TAOK1: variants seen among roughly 807,000 people sequenced by gnomAD.
TAOK1 encodes serine/threonine-protein kinase TAO1.
A neutral mutation model predicts 138.3 loss-of-function variants in TAOK1; 21 were observed. That is an observed-to-expected ratio of 0.15 (90% CI 0.11 to 0.22). The LOEUF is 0.22. TAOK1 is among the 10% of genes least tolerant of loss of function. The pLI is 1.00. For missense variants in TAOK1, 651 were observed against 1,227.7 expected (o/e 0.53, Z 7.02); for synonymous variants, 361 against 398.4 (o/e 0.91, Z 1.12).
At chr17:29,467,750 CAG>C (rs1200007319) in intron 3 of TAOK1, among the ~76,000 whole-genome samples, 1 of 152,032 alleles carries the variant, frequency 6.6e-6, no homozygotes, top group African/African-American at 2.4e-5. Flanking sequence ...GAGCCATAAA[CAG>C]AGCATTATTG....
intron 2 of TAOK1, among the ~76,000 whole-genome samples, chr17:29,456,597 G>A (rs1007263683): frequency 1.3e-5 from 2 of 150,336 alleles, no homozygotes; most frequent in Non-Finnish European, 2.9e-5. Flanking sequence ...TTTCAGACTG[G>A]GGATACCCAG....
chr17:29,525,760 C>A (rs1193863561), intron 17 of TAOK1, among the ~76,000 whole-genome samples: 1 of 152,176 alleles, frequency 6.6e-6, no homozygotes, highest in Non-Finnish European at 1.5e-5. Context: ...AATCCCAGCA[C>A]TTTGGAAGGC....
chr17:29,499,484 A>C (rs2031474362), intron 12 of TAOK1, among the ~76,000 whole-genome samples: 1 of 151,584 alleles, frequency 6.6e-6, no homozygotes, highest in Non-Finnish European at 1.5e-5. Context: ...CACCTGCCTC[A>C]GCCTCCCAAA....
chr17:29,410,358 C>T (rs1433778250), intron 1 of TAOK1, among the ~76,000 whole-genome samples: 2 of 152,184 alleles, frequency 1.3e-5, no homozygotes, highest in Non-Finnish European at 2.9e-5. Flanking sequence ...TCAAGCGATT[C>T]TCCTTCCTCA....
chr17:29,494,070 C>T (rs1482829444), intron 10 of TAOK1, among the ~76,000 whole-genome samples: 3 of 152,028 alleles, frequency 2.0e-5, no homozygotes, highest in African/African-American at 7.2e-5. Context: ...GCCTATGCCT[C>T]CACGTCCTGC....
chr17:29,399,562 G>A (rs969380350), intron 1 of TAOK1, among the ~76,000 whole-genome samples: 3 of 151,852 alleles, frequency 2.0e-5, no homozygotes, highest in Admixed American at 6.6e-5. Flanking sequence ...TGATCTGCCC[G>A]CCTTGGCCTC....
intron 19 of TAOK1, among the ~76,000 whole-genome samples, chr17:29,542,349 G>T (rs1412760381): frequency 6.6e-6 from 1 of 151,862 alleles, no homozygotes; most frequent in Admixed American, 6.6e-5. Flanking sequence ...ATATGTGCAT[G>T]TAAAAAAAAT....
chr17:29,462,110 C>G (rs1166714892), intron 2 of TAOK1, among the ~76,000 whole-genome samples: 2 of 152,118 alleles, frequency 1.3e-5, no homozygotes, highest in Non-Finnish European at 2.9e-5. Context: ...AAAGGAAGGA[C>G]CCTCTGGTCA....
intron 2 of TAOK1, among the ~76,000 whole-genome samples, chr17:29,453,405 A>C (rs1360721357): frequency 1.3e-5 from 2 of 151,966 alleles, no homozygotes; most frequent in Non-Finnish European, 1.5e-5. Flanking sequence ...ACGTGCTACT[A>C]ACCCCTGGCT....
At chr17:29,449,972 T>C (rs1480473154) in intron 1 of TAOK1, among the ~76,000 whole-genome samples, 1 of 152,226 alleles carries the variant, frequency 6.6e-6, no homozygotes, top group Admixed American at 6.5e-5. Context: ...CTCTATGCTT[T>C]CATTTATTAA....
chr17:29,444,804 A>C (rs981899194), intron 1 of TAOK1, among the ~76,000 whole-genome samples: 5 of 152,232 alleles, frequency 3.3e-5, no homozygotes, highest in Non-Finnish European at 7.3e-5. Context: ...CCATGAATAC[A>C]GTACATGTCT....
chr17:29,534,010 A>T, intron 18 of TAOK1, 108 bp from the exon 19 acceptor site: 1 of 1,238,488 alleles, frequency 8.1e-7, no homozygotes, highest in Non-Finnish European at 1.1e-6. Flanking sequence ...GTCTAAACTA[A>T]AAAAGAGTAG....
intron 1 of TAOK1, among the ~76,000 whole-genome samples, chr17:29,429,018 A>T (rs1191897421): frequency 6.6e-6 from 1 of 152,114 alleles, no homozygotes; most frequent in Non-Finnish European, 1.5e-5. Context: ...AAACAGAAAA[A>T]TAGAGAATTT....
At chr17:29,523,539 C>A (rs2150768201) in intron 17 of TAOK1, among the ~76,000 whole-genome samples, 1 of 152,270 alleles carries the variant, frequency 6.6e-6, no homozygotes, top group Admixed American at 6.5e-5. Flanking sequence ...AGGTGCCTGC[C>A]ACCACGCCCG....
intron 1 of TAOK1, among the ~76,000 whole-genome samples, chr17:29,403,003 AAAAC>A (rs1567708379): frequency 6.6e-6 from 1 of 151,762 alleles, no homozygotes; most frequent in African/African-American, 2.4e-5. Flanking sequence ...CAAAAAAAAA[AAAAC>A]AAAATTAGCC....
In TAOK1 at chr17:29,542,745, G is replaced by C. The variant is rs1343184112; in HGVS notation, c.2729G>C (p.Trp910Ser). ...FSHSYPGASG[W>S]SHNPTGGPGP... ...CACAGCTACCCGGGAGCTTCTGGTTGGTCACACAACCCTACTGGGGGTCCA... is the reference window on the plus strand; with the variant it reads ...CACAGCTACCCGGGAGCTTCTGGTTCGTCACACAACCCTACTGGGGGTCCA... The change falls in exon 20 of 20, where the codon TGG becomes TCG. Residue 910 changes from tryptophan to serine, a missense_variant. Coordinates refer to ENST00000261716, the MANE Select transcript of TAOK1 (RefSeq NM_020791.4). The C allele has an allele frequency of 6.2e-7, 1 of 1,614,224 alleles. No individual in the cohort carries two copies.
intron 16 of TAOK1, among the ~76,000 whole-genome samples, chr17:29,521,532 A>C (rs956173307): frequency 1.3e-5 from 2 of 152,220 alleles, no homozygotes; most frequent in African/African-American, 4.8e-5. Flanking sequence ...CTCACTGCTC[A>C]CAAGTAGCAG....
intron 1 of TAOK1, among the ~76,000 whole-genome samples, chr17:29,439,012 C>CT (rs556387073): frequency 4.6e-5 from 7 of 151,820 alleles, no homozygotes; most frequent in Non-Finnish European, 7.4e-5. Context: ...TACGTAGACA[C>CT]TTTTTTTTCC....
intron 19 of TAOK1, among the ~76,000 whole-genome samples, chr17:29,538,319 TA>T (rs1168943223): frequency 6.6e-6 from 1 of 152,212 alleles, no homozygotes; most frequent in Non-Finnish European, 1.5e-5. Flanking sequence ...GTTTCTTTTT[TA>T]AAATATGGTT....
Sources: gnomAD v4.1 joint callset for allele counts (sites outside exome capture counted in the v4.1 genomes callset) on GRCh38, gnomAD v4.1.1 for gene constraint, MANE v1.5 for transcripts, NCBI Gene and HGNC (gene_info 2026-07-23, HGNC 2026-07-21) for gene names.